Variants in KCNAB1 observed in about 807,000 individuals in gnomAD.
KCNAB1 encodes the protein potassium voltage-gated channel subfamily A regulatory beta subunit 1, also known as voltage-gated potassium channel subunit beta-1.
Under a neutral mutation model 64.6 loss-of-function variants are expected in KCNAB1, and 35 were observed. That is an observed-to-expected ratio of 0.54 (90% CI 0.41 to 0.72). The LOEUF is 0.72. KCNAB1 is among the 30% of genes least tolerant of loss of function. KCNAB1 has a pLI of 0.00. For missense variants in KCNAB1, 401 were observed against 512.9 expected (o/e 0.78, Z 2.11); for synonymous variants, 177 against 183.8 (o/e 0.96, Z 0.30).
At chr3:156,219,880 C>T (rs1290925703) in intron 1 of KCNAB1, among the ~76,000 whole-genome samples, 1 of 151,872 alleles carries the variant, frequency 6.6e-6, no homozygotes, top group Non-Finnish European at 1.5e-5. Flanking sequence ...CCCTAACCCC[C>T]TGACAGGCCC....
intron 1 of KCNAB1, among the ~76,000 whole-genome samples, chr3:156,305,331 G>A (rs969007015): frequency 2.0e-5 from 3 of 152,182 alleles, no homozygotes; most frequent in Non-Finnish European, 2.9e-5. Context: ...ATCATCCCCA[G>A]TCCTAGCACG....
intron 2 of KCNAB1, among the ~76,000 whole-genome samples, chr3:156,438,345 T>C (rs1716739957): frequency 1.3e-5 from 2 of 152,250 alleles, no homozygotes; most frequent in Admixed American, 6.5e-5. Context: ...GGTGAGGTAT[T>C]TGTTTTTCAC....
chr3:156,142,900 A>G (rs953850420), intron 1 of KCNAB1: 1 of 853,642 alleles, frequency 1.2e-6, no homozygotes, highest in African/African-American at 1.8e-5. Flanking sequence ...ATAGTTGCTT[A>G]TGTTTGACTC....
chr3:156,187,348 C>T (rs759345055), intron 1 of KCNAB1, among the ~76,000 whole-genome samples: 17 of 152,146 alleles, frequency 1.1e-4, no homozygotes, highest in Non-Finnish European at 2.9e-5. Context: ...GTCTTTTGTC[C>T]ATTTGTCTTT....
intron 1 of KCNAB1, among the ~76,000 whole-genome samples, chr3:156,181,656 C>T (rs1712829088): frequency 1.3e-5 from 2 of 152,282 alleles, no homozygotes; most frequent in South Asian, 4.2e-4. Flanking sequence ...ATCAGAGGGA[C>T]TCCATCTTTG....
At chr3:156,415,442 T>G (rs928758761) in intron 1 of KCNAB1, among the ~76,000 whole-genome samples, 1 of 152,102 alleles carries the variant, frequency 6.6e-6, no homozygotes, top group Non-Finnish European at 1.5e-5. Context: ...ACACCATTTC[T>G]ACACCTTTCC....
At chr3:156,227,530 A>G (rs1716259020) in intron 1 of KCNAB1, among the ~76,000 whole-genome samples, 1 of 152,212 alleles carries the variant, frequency 6.6e-6, no homozygotes, top group Non-Finnish European at 1.5e-5. Context: ...AAATTAGTAT[A>G]CGATTCTCTT....
chr3:156,415,889 C>G (rs1209872756), intron 1 of KCNAB1, among the ~76,000 whole-genome samples: 1 of 152,176 alleles, frequency 6.6e-6, no homozygotes. Context: ...TTGGATGTCT[C>G]ATGGATATTC....
intron 1 of KCNAB1, among the ~76,000 whole-genome samples, chr3:156,233,991 G>A (rs1178897486): frequency 6.6e-6 from 1 of 151,956 alleles, no homozygotes; most frequent in Non-Finnish European, 1.5e-5. Context: ...TGTTGGGTAT[G>A]TGATTCTAGA....
chr3:156,289,837 G>T (rs1720294891), intron 1 of KCNAB1, among the ~76,000 whole-genome samples: 1 of 152,150 alleles, frequency 6.6e-6, no homozygotes, highest in Non-Finnish European at 1.5e-5. Context: ...AATTTAGTTG[G>T]GAAGAAATGG....
intron 8 of KCNAB1, among the ~76,000 whole-genome samples, chr3:156,504,303 A>G (rs755945880): frequency 1.4e-4 from 21 of 152,284 alleles, no homozygotes; most frequent in African/African-American, 3.8e-4. Context: ...TTCTTTATCA[A>G]TTCATCTGTT....
intron 1 of KCNAB1, among the ~76,000 whole-genome samples, chr3:156,306,965 C>T (rs1721530924): frequency 1.3e-5 from 2 of 152,332 alleles, no homozygotes; most frequent in Non-Finnish European, 2.9e-5. Context: ...TCAGCAGCAT[C>T]AGCATGGAGG....
At chr3:156,262,067 T>G (rs752658443) in intron 1 of KCNAB1, among the ~76,000 whole-genome samples, 3 of 151,988 alleles carry the variant, frequency 2.0e-5, no homozygotes, top group Non-Finnish European at 2.9e-5. Context: ...GTGATCTTGT[T>G]AAATTCATTT....
chr3:156,449,802 CGGAGA>C (rs1478267450), intron 2 of KCNAB1, among the ~76,000 whole-genome samples: 1 of 152,034 alleles, frequency 6.6e-6, no homozygotes, highest in African/African-American at 2.4e-5. Flanking sequence ...TTTATCTGGA[CGGAGA>C]GAAGCTCACA....
chr3:156,432,352 CTA>C (rs1405359861), intron 2 of KCNAB1, among the ~76,000 whole-genome samples: 1 of 152,120 alleles, frequency 6.6e-6, no homozygotes, highest in Non-Finnish European at 1.5e-5. Context: ...TCTCTCGTTT[CTA>C]TGTTTTTAAT....
intron 1 of KCNAB1, among the ~76,000 whole-genome samples, chr3:156,265,724 G>A (rs1718661895): frequency 6.6e-6 from 1 of 152,222 alleles, no homozygotes; most frequent in Non-Finnish European, 1.5e-5. Flanking sequence ...GCCGGGTGCA[G>A]TGGCTCATGC....
intron 1 of KCNAB1, among the ~76,000 whole-genome samples, chr3:156,395,471 GGAGGCGGAGCTT>G (rs1713366355): frequency 7.1e-6 from 1 of 141,630 alleles, no homozygotes; most frequent in Non-Finnish European, 1.5e-5. Flanking sequence ...CGTGAACCAG[GGAGGCGGAGCTT>G]GCAGTGAGCC....
At chr3:156,387,854 T>C (rs2108161989) in intron 1 of KCNAB1, among the ~76,000 whole-genome samples, 1 of 152,320 alleles carries the variant, frequency 6.6e-6, no homozygotes, top group East Asian at 1.9e-4. Context: ...CAAACCATTA[T>C]AGAAGAAAAG....
intron 1 of KCNAB1, among the ~76,000 whole-genome samples, chr3:156,245,752 C>T (rs576755226): frequency 2.0e-5 from 3 of 152,042 alleles, no homozygotes; most frequent in Non-Finnish European, 2.9e-5. Context: ...ACAACCTTGC[C>T]CATGGACTGT....
Sources: allele counts gnomAD v4.1 joint callset (sites outside exome capture counted in the v4.1 genomes callset), GRCh38; gene constraint gnomAD v4.1.1; transcripts MANE v1.5; gene names NCBI Gene and HGNC (gene_info 2026-07-23, HGNC 2026-07-21).